Variants in SCFD2 observed in about 807,000 individuals in gnomAD.
SCFD2 encodes the protein sec1 family domain-containing protein 2.
Under a neutral mutation model 58.9 loss-of-function variants are expected in SCFD2, and 54 were observed. The ratio of observed to expected loss-of-function variants is 0.92; its 90% CI spans 0.74 to 1.15. SCFD2 has a LOEUF of 1.15. Ranked by LOEUF, SCFD2 falls within the 50% of genes most tolerant of loss-of-function variation. The pLI is 0.00. For missense variants in SCFD2, 805 were observed against 836.6 expected, an observed-to-expected ratio of 0.96 and a Z score of 0.47; for synonymous variants, 321 against 335.9, an observed-to-expected ratio of 0.96 and a Z score of 0.49.
chr4:53,092,274 G>T (rs1724493657), intron 5 of SCFD2, among the ~76,000 whole-genome samples: 1 of 152,010 alleles, frequency 6.6e-6, no homozygotes, highest in South Asian at 2.1e-4. Context: ...CACATAACAG[G>T]TCGTATTTTT....
At chr4:52,882,177 G>A (rs996905419) in intron 8 of SCFD2, among the ~76,000 whole-genome samples, 3 of 152,196 alleles carry the variant, frequency 2.0e-5, no homozygotes, top group Non-Finnish European at 4.4e-5. Context: ...GGGTAAGAGT[G>A]GGGTGGCTAC....
intron 3 of SCFD2, among the ~76,000 whole-genome samples, chr4:53,300,065 A>T (rs1006075622): frequency 1.3e-5 from 2 of 152,188 alleles, no homozygotes; most frequent in African/African-American, 4.8e-5. Flanking sequence ...ACTAGCTAAC[A>T]TCATAATGAC....
chr4:53,237,078 A>G (rs958403632), intron 4 of SCFD2, among the ~76,000 whole-genome samples: 1 of 149,196 alleles, frequency 6.7e-6, no homozygotes, highest in Admixed American at 6.7e-5. Context: ...CTGTTTAACA[A>G]AGCACATCTT....
intron 4 of SCFD2, among the ~76,000 whole-genome samples, chr4:53,216,373 G>A (rs980363317): frequency 6.6e-6 from 1 of 152,082 alleles, no homozygotes; most frequent in African/African-American, 2.4e-5. Context: ...GTTTAGTCTT[G>A]GGAGGGTGTA....
rs556482211 is a variant in SCFD2 at position 53,263,617 on chromosome 4, G to A, written c.1311+10209C>T. ...AATGTGATCCATCTTCAGGTCTTTCGGCCATGGATACCAGCACCTGCTCCA... is the reference window on the plus strand; with the variant it reads ...AATGTGATCCATCTTCAGGTCTTTCAGCCATGGATACCAGCACCTGCTCCA... On this transcript the variant is annotated intron_variant, in intron 4 of 8. Transcript: ENST00000401642. Among the ~76,000 whole-genome samples the A allele has an allele frequency of 3.9e-4, 59 of 151,966 alleles. 1 individual carries two copies. The highest frequency in any genetic ancestry group is 3.9e-4 in the East Asian group (2 of 5,178).
At chr4:53,277,771 G>C (rs1288185421) in intron 3 of SCFD2, among the ~76,000 whole-genome samples, 9 of 152,188 alleles carry the variant, frequency 5.9e-5, no homozygotes, top group Non-Finnish European at 2.9e-5. Context: ...AAACAGTCCA[G>C]GCTCGGCGCG....
At chr4:53,352,322 G>A (rs1445932014) in intron 2 of SCFD2, among the ~76,000 whole-genome samples, 5 of 152,208 alleles carry the variant, frequency 3.3e-5, no homozygotes, top group Non-Finnish European at 7.3e-5. Flanking sequence ...GTGAAATGGA[G>A]ATACATAAAC....
intron 4 of SCFD2, among the ~76,000 whole-genome samples, chr4:53,254,720 C>T (rs1471292654): frequency 6.6e-6 from 1 of 151,856 alleles, no homozygotes; most frequent in Non-Finnish European, 1.5e-5. Context: ...CTATCTACTA[C>T]TGTAGCCACT....
chr4:53,356,360 C>A (rs1734398761), intron 1 of SCFD2, among the ~76,000 whole-genome samples: 1 of 152,210 alleles, frequency 6.6e-6, no homozygotes, highest in Non-Finnish European at 1.5e-5. Context: ...CTAAACCTAG[C>A]CCACACTCAA....
chr4:53,196,699 A>G (rs184649237), intron 4 of SCFD2, among the ~76,000 whole-genome samples: 99 of 152,276 alleles, frequency 6.5e-4, no homozygotes, highest in African/African-American at 2.2e-3. Context: ...TGCATTGGCA[A>G]AAGAAATGTC....
chr4:53,204,249 A>C (rs1728339402), intron 4 of SCFD2, among the ~76,000 whole-genome samples: 1 of 152,106 alleles, frequency 6.6e-6, no homozygotes, highest in African/African-American at 2.4e-5. Context: ...AAAGTTTCTA[A>C]CATGGAATAT....
At position 53,188,667 on chromosome 4, in the gene SCFD2, G is replaced by C. The variant is rs544036038; in HGVS notation, c.1312-43085C>G. Reference sequence around the variant, plus strand: ...CAAAGTAAACAGTAGTGAAAGCCATGGTATTACAGTATTGAAAGCAATCTA... The same window carrying C: ...CAAAGTAAACAGTAGTGAAAGCCATCGTATTACAGTATTGAAAGCAATCTA... On this transcript the variant is annotated intron_variant, in intron 4 of 8. Coordinates refer to ENST00000401642, the MANE Select transcript of SCFD2 (RefSeq NM_152540.4). Among the ~76,000 whole-genome samples, 7 of 152,134 alleles carry C rather than the reference G, an allele frequency of 4.6e-5. No homozygotes were observed. The East Asian group carries it at 1.3e-3, about 29-fold the overall frequency.
intron 5 of SCFD2, among the ~76,000 whole-genome samples, chr4:52,983,032 T>C (rs1721411161): frequency 6.6e-6 from 1 of 152,186 alleles, no homozygotes; most frequent in Non-Finnish European, 1.5e-5. Flanking sequence ...GTGAACTACT[T>C]GGTCCCTTGG....
intron 5 of SCFD2, among the ~76,000 whole-genome samples, chr4:52,925,273 A>G (rs540553674): frequency 3.8e-4 from 58 of 151,202 alleles, no homozygotes; most frequent in Middle Eastern, 7.0e-3. Context: ...ATATATATAT[A>G]TGTATGCTAT....
At chr4:53,111,079 C>G (rs1245633821) in intron 5 of SCFD2, among the ~76,000 whole-genome samples, 2 of 151,988 alleles carry the variant, frequency 1.3e-5, no homozygotes, top group African/African-American at 4.8e-5. Context: ...AGAAAACTAA[C>G]ACAGGAACAG....
At chr4:53,243,262 C>T (rs1379231755) in intron 4 of SCFD2, among the ~76,000 whole-genome samples, 8 of 152,142 alleles carry the variant, frequency 5.3e-5, no homozygotes, top group Non-Finnish European at 8.8e-5. Flanking sequence ...GGAAGCCCAT[C>T]ATACTAACAG....
chr4:53,358,187 C>G (rs1242218973), intron 1 of SCFD2, among the ~76,000 whole-genome samples: 1 of 152,010 alleles, frequency 6.6e-6, no homozygotes, highest in Non-Finnish European at 1.5e-5. Flanking sequence ...GTATCATAAT[C>G]CCAGGATTAA....
At position 52,942,519 on chromosome 4, in the gene SCFD2, A is replaced by G. The variant is rs77390186; in HGVS notation, c.1562-21649T>C. Among the ~76,000 whole-genome samples, 1,120 of 152,246 alleles carry G rather than the reference A, an allele frequency of 7.4e-3. 10 individuals carry two copies. The highest frequency in any genetic ancestry group is 0.024 in the African/African-American group (995 of 41,552). On this transcript the variant is annotated intron_variant, in intron 5 of 8. Coordinates refer to ENST00000401642, the MANE Select transcript of SCFD2 (RefSeq NM_152540.4). ...TATGAGTCCTGTTCTGCCATTCATTAGTTGTGGGGGCCTGAGCAAATTACC... is the reference window on the plus strand; with the variant it reads ...TATGAGTCCTGTTCTGCCATTCATTGGTTGTGGGGGCCTGAGCAAATTACC...
chr4:53,359,839 C>T (rs1209680890), intron 1 of SCFD2, among the ~76,000 whole-genome samples: 1 of 152,210 alleles, frequency 6.6e-6, no homozygotes, highest in Non-Finnish European at 1.5e-5. Flanking sequence ...CCCTTGCCAA[C>T]AATAATGCCA....
Sources: gnomAD v4.1 joint callset for allele counts (sites outside exome capture counted in the v4.1 genomes callset) on GRCh38, gnomAD v4.1.1 for gene constraint, MANE v1.5 for transcripts, NCBI Gene and HGNC (gene_info 2026-07-23, HGNC 2026-07-21) for gene names.